Variants in SNAP25 observed in about 807,000 individuals in gnomAD.
The protein encoded by SNAP25 is synaptosome associated protein 25.
In SNAP25, 3 loss-of-function variants were observed where a neutral mutation model predicts 28.7. That is an observed-to-expected ratio of 0.10 (90% CI 0.05 to 0.27). The LOEUF is 0.27. Ranked by LOEUF, SNAP25 falls within the 10% of genes least tolerant of loss-of-function variation. The pLI is 1.00. For synonymous variants in SNAP25, 61 were observed against 88.1 expected, an observed-to-expected ratio of 0.69 and a Z score of 1.72; for missense variants, 117 against 278.7, an observed-to-expected ratio of 0.42 and a Z score of 4.13.
chr20:10,219,974 A>G (rs1306324633), intron 1 of SNAP25, among the ~76,000 whole-genome samples: 1 of 152,222 alleles, frequency 6.6e-6, no homozygotes, highest in Non-Finnish European at 1.5e-5. Flanking sequence ...TTTTACGTAG[A>G]AAATAAATAC....
intron 4 of SNAP25, among the ~76,000 whole-genome samples, chr20:10,285,113 A>G (rs1314828764): frequency 6.6e-6 from 1 of 152,202 alleles, no homozygotes; most frequent in Non-Finnish European, 1.5e-5. Flanking sequence ...AAACTTTCCC[A>G]ATAAATTTGA....
intron 1 of SNAP25, among the ~76,000 whole-genome samples, chr20:10,235,970 GCA>G (rs1191097992): frequency 3.9e-5 from 6 of 152,210 alleles, no homozygotes; most frequent in Non-Finnish European, 7.3e-5. Context: ...ACATGGCCAA[GCA>G]CAGAGTCAGT....
At chr20:10,302,728 G>T (rs2064269662) in intron 7 of SNAP25, among the ~76,000 whole-genome samples, 1 of 151,192 alleles carries the variant, frequency 6.6e-6, no homozygotes, top group Non-Finnish European at 1.5e-5. Flanking sequence ...TAAGTAGGGT[G>T]ATCATAGGGG....
At chr20:10,238,905 A>AAATAATAAT (rs199598399) in intron 1 of SNAP25, among the ~76,000 whole-genome samples, 2,365 of 149,376 alleles carry the variant, frequency 0.016, 64 homozygotes, top group African/African-American at 0.049. Context: ...ACTCCGTTTC[A>AAATAATAAT]AATAATAATA....
chr20:10,287,349 G>C (rs1208082656), intron 4 of SNAP25, among the ~76,000 whole-genome samples: 2 of 151,882 alleles, frequency 1.3e-5, no homozygotes, highest in African/African-American at 4.8e-5. Flanking sequence ...GTGGGTGAAG[G>C]ACATGAACAG....
At chr20:10,246,665 C>A (rs1192083118) in intron 1 of SNAP25, among the ~76,000 whole-genome samples, 1 of 152,102 alleles carries the variant, frequency 6.6e-6, no homozygotes, top group African/African-American at 2.4e-5. Flanking sequence ...AAATTGCCAC[C>A]TTTTAATTTC....
intron 1 of SNAP25, among the ~76,000 whole-genome samples, chr20:10,229,050 G>C (rs536958674): frequency 2.6e-5 from 4 of 152,208 alleles, no homozygotes; most frequent in African/African-American, 9.6e-5. Context: ...TTAGATACCT[G>C]AAGAGGCCCA....
chr20:10,303,295 T>A (rs2064283250), intron 7 of SNAP25, among the ~76,000 whole-genome samples: 1 of 152,106 alleles, frequency 6.6e-6, no homozygotes, highest in Non-Finnish European at 1.5e-5. Flanking sequence ...AAAATGTGAG[T>A]CTGTAGTTCA....
At chr20:10,299,783 A>G (rs2064192156) in intron 7 of SNAP25, among the ~76,000 whole-genome samples, 2 of 152,186 alleles carry the variant, frequency 1.3e-5, no homozygotes, top group Admixed American at 1.3e-4. Context: ...TCACTAAGAG[A>G]TCCACAGATA....
chr20:10,295,724 CTTGTT>C (rs1250738554), intron 5 of SNAP25, among the ~76,000 whole-genome samples: 2 of 152,158 alleles, frequency 1.3e-5, no homozygotes, highest in Non-Finnish European at 2.9e-5. Context: ...AAGAATGTCT[CTTGTT>C]TTTGGACTAA....
chr20:10,305,412 T>G (rs556745576), intron 7 of SNAP25, among the ~76,000 whole-genome samples: 1 of 152,248 alleles, frequency 6.6e-6, no homozygotes, highest in African/African-American at 2.4e-5. Flanking sequence ...CATGGTGGCA[T>G]GCACCTGTGG....
chr20:10,286,503 G>A (rs2063882432), intron 4 of SNAP25, among the ~76,000 whole-genome samples: 1 of 152,108 alleles, frequency 6.6e-6, no homozygotes, highest in Non-Finnish European at 1.5e-5. Flanking sequence ...AAAGATTGCT[G>A]ATTAGAGGAG....
intron 4 of SNAP25, chr20:10,292,922 C>T (rs1215982671): frequency 2.5e-6 from 4 of 1,613,388 alleles, no homozygotes; most frequent in Non-Finnish European, 2.5e-6. Context: ...ACCATATCAA[C>T]CAAGACATGA....
chr20:10,298,153 T>C lies in SNAP25; in HGVS notation c.407+1103T>C, dbSNP rs555310774. Among the ~76,000 whole-genome samples, 100 of 152,182 alleles carry C rather than the reference T, an allele frequency of 6.6e-4. 1 individual carries two copies. In the South Asian group the frequency reaches 0.011, roughly 17 times the overall value. On this transcript the variant is annotated intron_variant, in intron 6 of 7. Coordinates refer to ENST00000254976, the MANE Select transcript of SNAP25 (RefSeq NM_130811.4). ...AGTGTTTGGGCCCAATCCACACCAA[T>C]TGAACCAGAATCTCTTGAAGTGAGA...
intron 1 of SNAP25, among the ~76,000 whole-genome samples, chr20:10,240,159 G>A (rs1191464014): frequency 6.6e-6 from 1 of 152,038 alleles, no homozygotes; most frequent in Non-Finnish European, 1.5e-5. Context: ...ATCACCCTGA[G>A]GGCCCTGTTT....
chr20:10,220,640 T>A (rs1415538898), intron 1 of SNAP25, among the ~76,000 whole-genome samples: 1 of 152,204 alleles, frequency 6.6e-6, no homozygotes, highest in Non-Finnish European at 1.5e-5. Context: ...TTTCTCTCTG[T>A]TTGATGTAGA....
intron 1 of SNAP25, among the ~76,000 whole-genome samples, chr20:10,237,944 T>C (rs2062953193): frequency 6.6e-6 from 1 of 152,178 alleles, no homozygotes; most frequent in East Asian, 1.9e-4. Context: ...CTTTCTGGTC[T>C]TTCCTGTTCC....
At position 10,243,827 on chromosome 20, in the gene SNAP25, T is replaced by C. The variant is rs78825645; in HGVS notation, c.-64+24850T>C. Reference sequence around the variant, plus strand: ...TTCCCTATTCTAATCTTTGACTGAGTCTAGCTCACTGTCAAAGTATGGCGT... The same window carrying C: ...TTCCCTATTCTAATCTTTGACTGAGCCTAGCTCACTGTCAAAGTATGGCGT... On this transcript the variant is annotated intron_variant, in intron 1 of 7. Coordinates refer to ENST00000254976, the MANE Select transcript of SNAP25 (RefSeq NM_130811.4). Among the ~76,000 whole-genome samples the C allele has an allele frequency of 8.2e-3, 1,246 of 152,306 alleles. 17 individuals carry two copies. Among genetic ancestry groups the C allele is most frequent in the African/African-American group, 0.028 (1,156 of 41,564 alleles).
At chr20:10,240,023 A>G (rs910971646) in intron 1 of SNAP25, among the ~76,000 whole-genome samples, 7 of 152,214 alleles carry the variant, frequency 4.6e-5, no homozygotes, top group East Asian at 3.8e-4. Flanking sequence ...TGGGCCCAGC[A>G]TGGCAGGGCT....
Sources: gnomAD v4.1 joint callset for allele counts (sites outside exome capture counted in the v4.1 genomes callset) on GRCh38, gnomAD v4.1.1 for gene constraint, MANE v1.5 for transcripts, NCBI Gene and HGNC (gene_info 2026-07-23, HGNC 2026-07-21) for gene names.